Variants in GRM7 observed in about 807,000 individuals in gnomAD.
GRM7 encodes the protein metabotropic glutamate receptor 7.
Under a neutral mutation model 84.5 loss-of-function variants are expected in GRM7, and 35 were observed. That is an observed-to-expected ratio of 0.41 (90% CI 0.32 to 0.55). The LOEUF is 0.55. GRM7 is among the 20% of genes least tolerant of loss of function. The pLI is 0.19. For synonymous variants in GRM7, 487 were observed against 455.1 expected, an observed-to-expected ratio of 1.07 and a Z score of -0.89; for missense variants, 1,003 against 1,194.6, an observed-to-expected ratio of 0.84 and a Z score of 2.36.
chr3:6,894,679 G>T (rs1032117425), intron 1 of GRM7, among the ~76,000 whole-genome samples: 2 of 152,056 alleles, frequency 1.3e-5, no homozygotes, highest in African/African-American at 2.4e-5. Context: ...GGTTTTGTGG[G>T]GAAGATAGGA....
intron 2 of GRM7, among the ~76,000 whole-genome samples, chr3:7,195,903 G>A (rs573926476): frequency 6.6e-6 from 1 of 152,234 alleles, no homozygotes; most frequent in African/African-American, 2.4e-5. Context: ...GGTCTGTTGT[G>A]TTAGTCAGGG....
At chr3:7,123,822 A>AG (rs1266685980) in intron 1 of GRM7, among the ~76,000 whole-genome samples, 1 of 152,164 alleles carries the variant, frequency 6.6e-6, no homozygotes, top group Non-Finnish European at 1.5e-5. Context: ...ACTTTGCCTC[A>AG]TTGATAAAAT....
intron 7 of GRM7, among the ~76,000 whole-genome samples, chr3:7,474,799 G>C (rs960344689): frequency 7.6e-6 from 1 of 131,052 alleles, no homozygotes; most frequent in Non-Finnish European, 1.5e-5. Context: ...GGAATGTTTC[G>C]GGAAGATTTT....
At chr3:7,231,789 G>C (rs911772538) in intron 2 of GRM7, among the ~76,000 whole-genome samples, 6 of 152,140 alleles carry the variant, frequency 3.9e-5, no homozygotes, top group Admixed American at 1.3e-4. Context: ...GGCAGAGCTG[G>C]GTTTAAAACT....
intron 1 of GRM7, among the ~76,000 whole-genome samples, chr3:7,052,428 C>G: frequency 6.6e-6 from 1 of 151,612 alleles, no homozygotes; most frequent in Middle Eastern, 3.4e-3. Flanking sequence ...TAAAATTTAT[C>G]AATTTAAGTG....
intron 7 of GRM7, among the ~76,000 whole-genome samples, chr3:7,487,030 T>A (rs956477013): frequency 2.0e-5 from 3 of 152,144 alleles, no homozygotes; most frequent in Non-Finnish European, 4.4e-5. Context: ...AAGTCTTAGA[T>A]AAAAATAAGG....
At chr3:7,305,869 T>C (rs995348548) in intron 3 of GRM7, among the ~76,000 whole-genome samples, 2 of 152,154 alleles carry the variant, frequency 1.3e-5, no homozygotes, top group Admixed American at 6.6e-5. Flanking sequence ...TTACATCTCA[T>C]CAATCCCCTC....
chr3:7,568,431 GTGACAGCGTGC>G (rs1694431784), intron 7 of GRM7, among the ~76,000 whole-genome samples: 1 of 152,258 alleles, frequency 6.6e-6, no homozygotes, highest in Admixed American at 6.5e-5. Flanking sequence ...GTGGTGAGAG[GTGACAGCGTGC>G]TGACAGCCCT....
intron 9 of GRM7, among the ~76,000 whole-genome samples, chr3:7,730,862 C>T (rs1211534098): frequency 6.6e-6 from 1 of 152,088 alleles, no homozygotes; most frequent in Admixed American, 6.5e-5. Context: ...GCCCAAAGTG[C>T]ATAAGAAAAA....
intron 9 of GRM7, among the ~76,000 whole-genome samples, chr3:7,737,809 A>G (rs1702553384): frequency 6.6e-6 from 1 of 151,700 alleles, no homozygotes; most frequent in Non-Finnish European, 1.5e-5. Context: ...CATTGGTGAT[A>G]TCAACAGTGC....
At chr3:6,881,000 A>G (rs1695487595) in intron 1 of GRM7, among the ~76,000 whole-genome samples, 1 of 152,160 alleles carries the variant, frequency 6.6e-6, no homozygotes, top group South Asian at 2.1e-4. Context: ...CTTAGCAATC[A>G]GTTTTCTGCT....
chr3:6,958,025 T>G (rs1693134507), intron 1 of GRM7, among the ~76,000 whole-genome samples: 1 of 152,160 alleles, frequency 6.6e-6, no homozygotes. Context: ...AGGTAAAATT[T>G]ACATGTAATA....
chr3:7,160,848 G>C (rs1441308370), intron 2 of GRM7, among the ~76,000 whole-genome samples: 1 of 151,986 alleles, frequency 6.6e-6, no homozygotes, highest in Non-Finnish European at 1.5e-5. Flanking sequence ...GTAATGCTCA[G>C]CATCCGTATC....
intron 2 of GRM7, among the ~76,000 whole-genome samples, chr3:7,242,794 C>G (rs1289589613): frequency 6.6e-6 from 1 of 152,138 alleles, no homozygotes; most frequent in Admixed American, 6.6e-5. Flanking sequence ...TGTTAAGTGT[C>G]TCTCCATTTG....
At chr3:6,889,408 C>G (rs1229607015) in intron 1 of GRM7, among the ~76,000 whole-genome samples, 1 of 151,506 alleles carries the variant, frequency 6.6e-6, no homozygotes, top group Non-Finnish European at 1.5e-5. Flanking sequence ...TACATCCCAT[C>G]AATACCTAAT....
chr3:7,508,675 T>C (rs1321863307), intron 7 of GRM7, among the ~76,000 whole-genome samples: 2 of 152,176 alleles, frequency 1.3e-5, no homozygotes, highest in Non-Finnish European at 2.9e-5. Context: ...AAAAATTGTT[T>C]TTGGAAAAAC....
chr3:7,637,440 T>C (rs990503861), intron 8 of GRM7, among the ~76,000 whole-genome samples: 6 of 152,334 alleles, frequency 3.9e-5, no homozygotes, highest in South Asian at 2.1e-4. Flanking sequence ...TTGTTGTCAT[T>C]CAGGACGGAT....
intron 7 of GRM7, among the ~76,000 whole-genome samples, chr3:7,540,485 A>C: frequency 6.6e-6 from 1 of 152,204 alleles, no homozygotes; most frequent in East Asian, 1.9e-4. Flanking sequence ...TACCCAAAAA[A>C]CATATATGAA....
chr3:7,184,858 T>C (rs914196011), intron 2 of GRM7, among the ~76,000 whole-genome samples: 1 of 152,194 alleles, frequency 6.6e-6, no homozygotes, highest in Middle Eastern at 3.2e-3. Flanking sequence ...GTGTTTATAA[T>C]GATTGTTGTT....
Sources: allele counts gnomAD v4.1 joint callset (sites outside exome capture counted in the v4.1 genomes callset), GRCh38; gene constraint gnomAD v4.1.1; transcripts MANE v1.5; gene names NCBI Gene and HGNC (gene_info 2026-07-23, HGNC 2026-07-21).